The following CHST1 variants were observed in gnomAD, a reference collection of about 807,000 sequenced individuals.
CHST1 encodes Keratan sulfotransferase.
A neutral mutation model predicts 22.5 loss-of-function variants in CHST1; 10 were observed. The ratio of observed to expected loss-of-function variants is 0.44; its 90% CI spans 0.27 to 0.75. CHST1 has a LOEUF of 0.75. Among genes scored for constraint, CHST1 ranks in the 30% least tolerant of loss-of-function variants. The pLI, the probability that CHST1 is intolerant of heterozygous loss-of-function variation, is 0.15. For synonymous variants in CHST1, 267 were observed against 264.5 expected (o/e 1.01, Z -0.09); for missense variants, 439 against 576.1 (o/e 0.76, Z 2.44).
intron 1 of CHST1, among the ~76,000 whole-genome samples, chr11:45,658,834 T>C (rs1289507254): frequency 6.6e-6 from 1 of 151,610 alleles, no homozygotes; most frequent in Non-Finnish European, 1.5e-5. Context: ...GTTGGAATAG[T>C]ACCGAGGCCC....
chr11:45,663,540 T>C (rs1202282911), intron 1 of CHST1, among the ~76,000 whole-genome samples: 2 of 152,162 alleles, frequency 1.3e-5, no homozygotes, highest in East Asian at 1.9e-4. Context: ...GGAAAATGCG[T>C]TTCTGCTTTG....
chr11:45,653,792 T>C (rs1247330581), intron 1 of CHST1, among the ~76,000 whole-genome samples: 1 of 152,198 alleles, frequency 6.6e-6, no homozygotes. Flanking sequence ...AGGCAAGCAC[T>C]TGCTGGGCAT....
chr11:45,650,381 A>C lies in CHST1; in HGVS notation c.543T>G (p.Cys181Trp). 1 of 1,604,132 alleles carries C rather than the reference A, an allele frequency of 6.2e-7. No homozygotes were observed. The change falls in exon 4 of 4, where the codon TGT (cysteine) becomes TGG (tryptophan). Residue 181 changes from cysteine (C) to tryptophan (W), a missense_variant. By Grantham distance (215) the Cys-to-Trp change is radical. Coordinates refer to ENST00000308064, the MANE Select transcript of CHST1 (RefSeq NM_003654.6). Reference protein sequence around the residue: ...PADLVLEEGDCVRKCGLLNLT... With the variant: ...PADLVLEEGDWVRKCGLLNLT... ...GGTTGAGTAGCCCGCACTTGCGCACACAGTCCCCCTCCTCCAGGACCAGGT... is the reference window on the plus strand; with the variant it reads ...GGTTGAGTAGCCCGCACTTGCGCACCCAGTCCCCCTCCTCCAGGACCAGGT...
chr11:45,659,311 C>G (rs1565000159), intron 1 of CHST1, among the ~76,000 whole-genome samples: 1 of 152,118 alleles, frequency 6.6e-6, no homozygotes, highest in African/African-American at 2.4e-5. Flanking sequence ...AGAGCTAAAA[C>G]CCCCAGGCCA....
In CHST1 at chr11:45,648,408, G is replaced by A. The variant is rs561492568; in HGVS notation, c.*1280C>T. On this transcript the variant is annotated 3_prime_UTR_variant, in exon 4 of 4. Transcript: ENST00000308064. Reference sequence around the variant, plus strand: ...TGAAGGAAAAAAAAAACGGCTGGGTGAGGTGGCTCAAGTCTGCAATCCCAG... The same window carrying A: ...TGAAGGAAAAAAAAAACGGCTGGGTAAGGTGGCTCAAGTCTGCAATCCCAG... Among the ~76,000 whole-genome samples the A allele has an allele frequency of 5.3e-5, 8 of 152,138 alleles. No individual in the cohort carries two copies. The East Asian group carries it at 1.5e-3, about 29-fold the overall frequency.
intron 1 of CHST1, among the ~76,000 whole-genome samples, chr11:45,659,142 G>C (rs983688808): frequency 1.3e-5 from 2 of 152,200 alleles, no homozygotes; most frequent in African/African-American, 4.8e-5. Context: ...TCTGTCAGGG[G>C]ATGCATCCCA....
Position 45,648,360 on chromosome 11 carries a change from TAA to T in CHST1, c.*1326_*1327del, listed in dbSNP as rs1241467500. 6.6e-6 allele frequency among the ~76,000 whole-genome samples: 1 copy of T among 151,654 alleles called. No individual in the cohort carries two copies. Among genetic ancestry groups the T allele is most frequent in the Non-Finnish European group, 1.5e-5 (1 of 67,938 alleles). On this transcript the variant is annotated 3_prime_UTR_variant, in exon 4 of 4. Coordinates refer to ENST00000308064, the MANE Select transcript of CHST1 (RefSeq NM_003654.6). ...AGACTTTGAACATTATCCCTGGCTA[TAA>T]GTTACCCGGTCTCAACTGACTGAAG...
intron 1 of CHST1, among the ~76,000 whole-genome samples, chr11:45,663,785 G>A (rs1343637817): frequency 1.3e-5 from 2 of 152,178 alleles, no homozygotes; most frequent in Non-Finnish European, 2.9e-5. Flanking sequence ...TCCTGCAGGG[G>A]TTCAAGGCTC....
intron 1 of CHST1, among the ~76,000 whole-genome samples, chr11:45,654,779 T>A (rs1157656669): frequency 1.3e-5 from 2 of 152,230 alleles, no homozygotes; most frequent in Non-Finnish European, 2.9e-5. Context: ...TGGTGAGCTT[T>A]CACTCCCAGG....
Position 45,649,620 on chromosome 11 carries a change from A to C in CHST1, c.*68T>G. ...GAGAGGGAGGGGTTAATAAGGCAAC[A>C]GTTAAAAACGGTCCATTTTATCAAA... On this transcript the variant is annotated 3_prime_UTR_variant, in exon 4 of 4. Transcript: ENST00000308064. 6.9e-7 allele frequency: 1 copy of C among 1,458,706 alleles called. No homozygotes were observed. The highest frequency in any genetic ancestry group is 9.1e-7 in the Non-Finnish European group (1 of 1,095,966). 90.4% of individuals were successfully genotyped at this position (1,458,706 alleles called of 1,614,324 possible).
Position 45,652,551 on chromosome 11 carries a change from G to A in CHST1, c.-171C>T, listed in dbSNP as rs930921592. 6.6e-6 allele frequency: 1 copy of A among 152,186 alleles called. No homozygotes were observed. The highest frequency in any genetic ancestry group is 1.5e-5 in the Non-Finnish European group (1 of 68,064). 9.4% of individuals were successfully genotyped at this position (152,186 alleles called of 1,614,324 possible). A position where few individuals can be genotyped will look rare whatever the true frequency, so the allele number is the denominator to read the frequency against. On this transcript the variant is annotated 5_prime_UTR_variant, in exon 2 of 4. Transcript: ENST00000308064. ...CCTCCAGGTCGAAAGGGCGCCTCCG[G>A]GAATGCAGCTGGGGAGAAAGTCTTC...
chr11:45,663,502 TCA>T (rs1326985172), intron 1 of CHST1, among the ~76,000 whole-genome samples: 1 of 152,146 alleles, frequency 6.6e-6, no homozygotes, highest in Non-Finnish European at 1.5e-5. Flanking sequence ...TTGCAACTAC[TCA>T]GCAAAGAGGG....
At chr11:45,661,856 A>C (rs575164118) in intron 1 of CHST1, among the ~76,000 whole-genome samples, 12 of 152,142 alleles carry the variant, frequency 7.9e-5, no homozygotes, top group Non-Finnish European at 1.6e-4. Flanking sequence ...GAGACCGGGT[A>C]AGGCATCAGT....
chr11:45,650,831 A>C lies in CHST1; in HGVS notation c.93T>G (p.Phe31Leu). 6.2e-7 allele frequency: 1 copy of C among 1,607,952 alleles called. No homozygotes were observed. Among genetic ancestry groups the C allele is most frequent in the African/African-American group, 1.3e-5 (1 of 74,964 alleles). ...TAIRTFTAKS[F>L]HTCPGLAEAG... Reference sequence around the variant, plus strand: ...CCTCTGCCAGCCCGGGGCAGGTGTGAAAGGACTTGGCGGTGAAGGTGCGGA... The same window carrying C: ...CCTCTGCCAGCCCGGGGCAGGTGTGCAAGGACTTGGCGGTGAAGGTGCGGA... Residue 31 changes from phenylalanine (F) to leucine (L), a missense_variant, in exon 4 of 4, where the codon TTT becomes TTG. Transcript: ENST00000308064.
At chr11:45,653,871 T>C (rs1427279242) in intron 1 of CHST1, among the ~76,000 whole-genome samples, 1 of 152,158 alleles carries the variant, frequency 6.6e-6, no homozygotes, top group Non-Finnish European at 1.5e-5. Context: ...ATGCCAGCTC[T>C]ATGAAGTTGA....
intron 1 of CHST1, among the ~76,000 whole-genome samples, chr11:45,657,486 T>C (rs1190899245): frequency 6.6e-6 from 1 of 152,220 alleles, no homozygotes; most frequent in Non-Finnish European, 1.5e-5. Flanking sequence ...TCAAGAGATG[T>C]CCAGCTATTC....
At chr11:45,660,320 G>A (rs1852115237) in intron 1 of CHST1, among the ~76,000 whole-genome samples, 1 of 152,024 alleles carries the variant, frequency 6.6e-6, no homozygotes, top group Non-Finnish European at 1.5e-5. Context: ...AGGTTCATAT[G>A]CGAGTGAGGT....
intron 1 of CHST1, among the ~76,000 whole-genome samples, chr11:45,658,565 G>C (rs1852090434): frequency 6.6e-6 from 1 of 152,148 alleles, no homozygotes; most frequent in Non-Finnish European, 1.5e-5. Flanking sequence ...GTGGGAGTGG[G>C]AGGGGGGTGG....
At chr11:45,659,637 G>T (rs1234758178) in intron 1 of CHST1, among the ~76,000 whole-genome samples, 1 of 152,144 alleles carries the variant, frequency 6.6e-6, no homozygotes, top group Non-Finnish European at 1.5e-5. Context: ...GATCCCAAGT[G>T]GGTGTGGACA....
Sources: gnomAD v4.1 joint callset for allele counts (sites outside exome capture counted in the v4.1 genomes callset) on GRCh38, gnomAD v4.1.1 for gene constraint, MANE v1.5 for transcripts, NCBI Gene and HGNC (gene_info 2026-07-23, HGNC 2026-07-21) for gene names.